The following KIAA1217 variants were observed in gnomAD, a reference collection of about 807,000 sequenced individuals.
KIAA1217 encodes sickle tail protein homolog.
In KIAA1217, 88 loss-of-function variants were observed where a neutral mutation model predicts 163.9. The ratio of observed to expected loss-of-function variants is 0.54; its 90% confidence interval spans 0.45 to 0.64. The LOEUF (loss-of-function observed/expected upper bound fraction) is 0.64. Ranked by LOEUF, KIAA1217 falls within the 30% of genes least tolerant of loss-of-function variation. KIAA1217 has a pLI of 0.00. For synonymous variants in KIAA1217, 903 were observed against 923.1 expected, an observed-to-expected ratio of 0.98 and a Z score of 0.39; for missense variants, 2,372 against 2,475.0, an observed-to-expected ratio of 0.96 and a Z score of 0.88.
chr10:23,906,448 G>C (rs1475075209), intron 1 of KIAA1217, among the ~76,000 whole-genome samples: 2 of 152,248 alleles, frequency 1.3e-5, no homozygotes, highest in East Asian at 3.9e-4. Context: ...TTATTTTGTA[G>C]ATGGTCAGGG....
chr10:23,790,199 GCATATACACATATA>G (rs1564422001), intron 1 of KIAA1217, among the ~76,000 whole-genome samples: 3 of 4,498 alleles, frequency 6.7e-4, no homozygotes, highest in African/African-American at 1.7e-3. Flanking sequence ...ATACACATAT[GCATATACACATATA>G]CACATATGCA....
At chr10:23,762,246 G>A (rs1834293520) in intron 1 of KIAA1217, among the ~76,000 whole-genome samples, 1 of 151,890 alleles carries the variant, frequency 6.6e-6, no homozygotes. Flanking sequence ...TGAAAAGAAG[G>A]GACTCCTCCC....
chr10:24,213,724 A>G (rs192804205), intron 1 of KIAA1217, among the ~76,000 whole-genome samples: 1 of 152,220 alleles, frequency 6.6e-6, no homozygotes, highest in Non-Finnish European at 1.5e-5. Context: ...TTGACACAGA[A>G]TGCTTTTCTG....
intron 2 of KIAA1217, among the ~76,000 whole-genome samples, chr10:24,140,871 T>C (rs1463899746): frequency 1.3e-5 from 2 of 152,178 alleles, no homozygotes; most frequent in African/African-American, 2.4e-5. Context: ...ATCTCACTTC[T>C]GTGTCATGTC....
chr10:23,881,097 T>TAA (rs558408191), intron 1 of KIAA1217, among the ~76,000 whole-genome samples: 1 of 141,332 alleles, frequency 7.1e-6, no homozygotes, highest in East Asian at 2.0e-4. Flanking sequence ...CTGGAGTAGA[T>TAA]AAAAAAAAAA....
intron 1 of KIAA1217, among the ~76,000 whole-genome samples, chr10:24,209,956 C>T (rs1277278769): frequency 2.0e-5 from 3 of 152,138 alleles, no homozygotes; most frequent in African/African-American, 2.4e-5. Context: ...AAAGAAATTT[C>T]GCACCGGGTT....
At chr10:24,214,168 A>C (rs2068511915) in intron 1 of KIAA1217, among the ~76,000 whole-genome samples, 1 of 152,138 alleles carries the variant, frequency 6.6e-6, no homozygotes, top group Non-Finnish European at 1.5e-5. Context: ...AAAAACAAAC[A>C]AAGAAAAAAA....
At position 24,542,908 on chromosome 10, in the gene KIAA1217, G is replaced by C. The variant is rs759207605; in HGVS notation, c.3638G>C (p.Ser1213Thr). The C allele has an allele frequency of 5.0e-6, 8 of 1,611,952 alleles. No individual in the cohort carries two copies. Among genetic ancestry groups the C allele is most frequent in the Middle Eastern group, 3.3e-4 (2 of 6,068 alleles). The change falls in exon 19 of 21, where the codon AGT becomes ACT. Residue 1213 changes from serine (S) to threonine (T), a missense_variant. This residue lies in a region of KIAA1217 where 251 missense variants were observed against 327.3 expected (regional missense o/e 0.77). Transcript: ENST00000376454. ...QKVTTGAVRP[S>T]DPPKWERGME... ...GTTACCACAGGGGCTGTAAGACCTA[G>C]TGACCCTCCTAAGTGGGAAAGAGGA...
chr10:24,518,345 T>A (rs2070530659), intron 10 of KIAA1217, among the ~76,000 whole-genome samples: 1 of 123,062 alleles, frequency 8.1e-6, no homozygotes, highest in South Asian at 2.5e-4. Flanking sequence ...AACGTTTGCA[T>A]AGAAGTGATA....
intron 16 of KIAA1217, 67 bp downstream of exon 16, chr10:24,533,304 C>T (rs1304474334): frequency 4.0e-6 from 6 of 1,487,744 alleles, no homozygotes; most frequent in African/African-American, 1.4e-5. Flanking sequence ...CCATGGCACT[C>T]ACAGATTTGT....
chr10:24,412,730 A>G lies in KIAA1217; in HGVS notation c.554-20265A>G, dbSNP rs181298815. Among the ~76,000 whole-genome samples the G allele has an allele frequency of 2.0e-5, 3 of 152,164 alleles. No individual in the cohort carries two copies. In the East Asian group the frequency reaches 5.8e-4, roughly 29 times the overall value. ...CTGCCCTAGACCTCATTGCTTCTCT[A>G]TATTCATGCCATCGGTGTGAATGGA... On this transcript the variant is annotated intron_variant, in intron 3 of 20. Transcript: ENST00000376454.
chr10:24,416,026 A>C (rs1013065158), intron 3 of KIAA1217, among the ~76,000 whole-genome samples: 2 of 152,308 alleles, frequency 1.3e-5, no homozygotes, highest in East Asian at 3.9e-4. Context: ...TTCAGGCTGC[A>C]GTCAGGCTGG....
intron 2 of KIAA1217, chr10:24,158,716 A>G: frequency 2.0e-6 from 1 of 506,382 alleles, no homozygotes. Context: ...CAAAGATTCT[A>G]CTAGTGATTA....
At chr10:23,869,405 G>C (rs1411348960) in intron 1 of KIAA1217, among the ~76,000 whole-genome samples, 1 of 151,874 alleles carries the variant, frequency 6.6e-6, no homozygotes, top group Non-Finnish European at 1.5e-5. Context: ...GTTTCAAGTG[G>C]GTGGCAGTGC....
chr10:24,241,984 C>G (rs2073165210), intron 2 of KIAA1217, among the ~76,000 whole-genome samples: 1 of 152,156 alleles, frequency 6.6e-6, no homozygotes. Context: ...CATTCTATGA[C>G]AGATGATGTC....
intron 1 of KIAA1217, among the ~76,000 whole-genome samples, chr10:23,894,722 G>C (rs36197502): frequency 0.21 from 28,556 of 136,482 alleles, 3,237 homozygotes; most frequent in Middle Eastern, 0.3. Flanking sequence ...GAGGCATCAC[G>C]CTACCTGACT....
At chr10:23,836,620 T>A (rs764979077) in intron 1 of KIAA1217, among the ~76,000 whole-genome samples, 2 of 151,710 alleles carry the variant, frequency 1.3e-5, no homozygotes, top group Non-Finnish European at 2.9e-5. Flanking sequence ...AGTGTATCCA[T>A]CATTAGAATA....
rs1590727626 is a variant in KIAA1217 at position 24,298,422 on chromosome 10, G to A, written c.354+78513G>A. On this transcript the variant is annotated intron_variant, in intron 2 of 20. Coordinates refer to ENST00000376454, the MANE Select transcript of KIAA1217 (RefSeq NM_019590.5). The stretch of plus-strand genomic sequence containing the variant: ...GGGTCTGATGGGTTTGAGAATTACT[G>A]GCATGGACAGCCTCATTAGTTCCTG... Among the ~76,000 whole-genome samples the A allele has an allele frequency of 2.0e-5, 3 of 152,180 alleles. No individual in the cohort carries two copies. The South Asian group carries it at 6.2e-4, about 32-fold the overall frequency.
intron 2 of KIAA1217, among the ~76,000 whole-genome samples, chr10:24,086,212 T>C (rs1243619036): frequency 1.3e-5 from 2 of 152,178 alleles, no homozygotes; most frequent in African/African-American, 4.8e-5. Context: ...GAAGTGACTC[T>C]GAAAAGGAGC....
Sources: allele counts gnomAD v4.1 joint callset (sites outside exome capture counted in the v4.1 genomes callset), GRCh38; gene constraint gnomAD v4.1.1; regional missense constraint gnomAD v4.1.1; transcripts MANE v1.5; gene names NCBI Gene and HGNC (gene_info 2026-07-23, HGNC 2026-07-21).